FRMD4A: variants seen among roughly 807,000 people sequenced by gnomAD.
FRMD4A encodes FERM domain containing 4A.
In FRMD4A, 29 loss-of-function variants were observed where a neutral mutation model predicts 129.1. The observed-to-expected ratio is 0.22, with a 90% CI of 0.17 to 0.31. FRMD4A has a LOEUF of 0.31. FRMD4A is among the 10% of genes least tolerant of loss of function. The pLI is 1.00. For missense variants in FRMD4A, 1,272 were observed against 1,375.8 expected (o/e 0.92, Z 1.19); for synonymous variants, 634 against 571.6 (o/e 1.11, Z -1.56).
In FRMD4A at chr10:14,014,559, C is replaced by A. The variant is rs182896686; in HGVS notation, c.46-155647G>T. Among the ~76,000 whole-genome samples the A allele has an allele frequency of 5.5e-4, 83 of 152,278 alleles. 1 individual carries two copies. Among genetic ancestry groups the A allele is most frequent in the African/African-American group, 1.9e-3 (77 of 41,556 alleles). On this transcript the variant is annotated intron_variant, in intron 2 of 24. Coordinates refer to ENST00000357447, the MANE Select transcript of FRMD4A (RefSeq NM_018027.5). Reference sequence around the variant, plus strand: ...TCATGTCACGTCTCATTAGAGGAAGCTGGGACTGAGGTTAGACAAACAGAA... The same window carrying A: ...TCATGTCACGTCTCATTAGAGGAAGATGGGACTGAGGTTAGACAAACAGAA...
At chr10:14,038,070 C>T (rs780223019) in intron 2 of FRMD4A, among the ~76,000 whole-genome samples, 1 of 152,230 alleles carries the variant, frequency 6.6e-6, no homozygotes, top group Non-Finnish European at 1.5e-5. Flanking sequence ...CGCCAGTAAT[C>T]CCAGCATTTT....
intron 2 of FRMD4A, among the ~76,000 whole-genome samples, chr10:13,996,350 G>A (rs781120909): frequency 2.0e-5 from 3 of 152,170 alleles, no homozygotes; most frequent in Non-Finnish European, 4.4e-5. Context: ...TATGCACCAG[G>A]CCAGTGACAA....
chr10:13,964,677 T>G (rs1308734686), intron 2 of FRMD4A, among the ~76,000 whole-genome samples: 2 of 106,548 alleles, frequency 1.9e-5, no homozygotes, highest in Admixed American at 9.2e-5. Context: ...TTCTTTTGTT[T>G]TTTTTTTTTT....
At chr10:13,879,937 C>T (rs921891280) in intron 2 of FRMD4A, among the ~76,000 whole-genome samples, 4 of 151,914 alleles carry the variant, frequency 2.6e-5, no homozygotes, top group South Asian at 2.1e-4. Flanking sequence ...TGAGCCACCA[C>T]GCTTGGCTGT....
At chr10:14,158,249 C>A (rs1840698756) in intron 2 of FRMD4A, among the ~76,000 whole-genome samples, 1 of 152,128 alleles carries the variant, frequency 6.6e-6, no homozygotes, top group South Asian at 2.1e-4. Context: ...AAGAAATTGA[C>A]TGACTAGAGG....
intron 6 of FRMD4A, among the ~76,000 whole-genome samples, chr10:13,764,537 T>A (rs372687269): frequency 7.0e-6 from 1 of 142,086 alleles, no homozygotes; most frequent in Non-Finnish European, 1.5e-5. Flanking sequence ...AAACAAAACC[T>A]AACAACAACA....
At chr10:13,696,715 T>G (rs549834951) in intron 14 of FRMD4A, among the ~76,000 whole-genome samples, 1 of 151,290 alleles carries the variant, frequency 6.6e-6, no homozygotes, top group South Asian at 2.1e-4. Flanking sequence ...CTGCCTGATC[T>G]CATTCCAGGC....
At chr10:14,229,682 T>A (rs560330147) in intron 2 of FRMD4A, among the ~76,000 whole-genome samples, 3 of 152,266 alleles carry the variant, frequency 2.0e-5, no homozygotes, top group East Asian at 3.9e-4. Context: ...CAAGCCGTCC[T>A]CCCACCTCAG....
chr10:14,119,614 T>C (rs780423678), intron 2 of FRMD4A, among the ~76,000 whole-genome samples: 17 of 152,262 alleles, frequency 1.1e-4, no homozygotes, highest in Middle Eastern at 3.4e-3. Flanking sequence ...GGATCTGTGA[T>C]TAATGGAGGC....
chr10:14,027,039 C>T lies in FRMD4A; in HGVS notation c.46-168127G>A, dbSNP rs981899517. On this transcript the variant is annotated intron_variant, in intron 2 of 24. Coordinates refer to ENST00000357447, the MANE Select transcript of FRMD4A (RefSeq NM_018027.5). ...ATTTTGATCCAGGCATGCAATGCAT[C>T]ATAATCACATCATGGAAAATGGGGG... Among the ~76,000 whole-genome samples the T allele has an allele frequency of 3.9e-4, 60 of 152,302 alleles. 1 individual carries two copies. The highest frequency in any genetic ancestry group is 1.4e-3 in the African/African-American group (60 of 41,576).
chr10:13,920,659 G>A (rs2095060746), intron 2 of FRMD4A, among the ~76,000 whole-genome samples: 1 of 152,206 alleles, frequency 6.6e-6, no homozygotes, highest in Admixed American at 6.5e-5. Context: ...TTACTGCGGT[G>A]TCAGAAATTC....
chr10:14,177,277 A>C (rs1328283846), intron 2 of FRMD4A, among the ~76,000 whole-genome samples: 2 of 151,982 alleles, frequency 1.3e-5, no homozygotes, highest in African/African-American at 4.8e-5. Context: ...GGCTCACTGC[A>C]ATCTCTACCT....
At chr10:13,870,634 C>T (rs1339811865) in intron 2 of FRMD4A, among the ~76,000 whole-genome samples, 1 of 152,216 alleles carries the variant, frequency 6.6e-6, no homozygotes, top group Non-Finnish European at 1.5e-5. Context: ...TCCTGAGAGG[C>T]AGGTCCACAG....
chr10:13,870,191 GA>G (rs2094423364), intron 2 of FRMD4A, among the ~76,000 whole-genome samples: 1 of 152,222 alleles, frequency 6.6e-6, no homozygotes, highest in Non-Finnish European at 1.5e-5. Context: ...ACAGAGGCCT[GA>G]AGGCCCCAGA....
At chr10:14,288,582 T>A (rs1005174596) in intron 2 of FRMD4A, among the ~76,000 whole-genome samples, 2 of 152,198 alleles carry the variant, frequency 1.3e-5, no homozygotes, top group Non-Finnish European at 2.9e-5. Flanking sequence ...TTAAAAAATA[T>A]TAATTTATTT....
chr10:13,681,568 ATGTATATG>A (rs201215431), intron 15 of FRMD4A, among the ~76,000 whole-genome samples: 1,900 of 152,266 alleles, frequency 0.012, 41 homozygotes, highest in African/African-American at 0.043. Flanking sequence ...GTATGTATAT[ATGTATATG>A]TGTATATATA....
At chr10:13,946,262 G>A (rs951095785) in intron 2 of FRMD4A, among the ~76,000 whole-genome samples, 1 of 152,186 alleles carries the variant, frequency 6.6e-6, no homozygotes, top group Non-Finnish European at 1.5e-5. Flanking sequence ...CTGAACGCAA[G>A]AATCTTTCTG....
intron 2 of FRMD4A, among the ~76,000 whole-genome samples, chr10:13,993,665 C>G (rs2095611621): frequency 6.6e-6 from 1 of 152,294 alleles, no homozygotes; most frequent in East Asian, 1.9e-4. Flanking sequence ...GTTGTTCTAT[C>G]AGGCAATAAT....
At chr10:13,887,103 G>T (rs897805531) in intron 2 of FRMD4A, among the ~76,000 whole-genome samples, 1 of 151,974 alleles carries the variant, frequency 6.6e-6, no homozygotes, top group Non-Finnish European at 1.5e-5. Context: ...TGTAGAGATC[G>T]CCCTTCCTAA....
Sources: allele counts gnomAD v4.1 joint callset (sites outside exome capture counted in the v4.1 genomes callset), GRCh38; gene constraint gnomAD v4.1.1; transcripts MANE v1.5; gene names NCBI Gene and HGNC (gene_info 2026-07-23, HGNC 2026-07-21).